The following FAM227B variants were observed in gnomAD, a reference collection of about 807,000 sequenced individuals.
FAM227B encodes family with sequence similarity 227 member B.
FAM227B carries 88 observed loss-of-function variants against 73.8 expected under a neutral mutation model. The observed-to-expected ratio is 1.19, with a 90% CI of 1.00 to 1.42. The LOEUF (loss-of-function observed/expected upper bound fraction) is 1.42. Ranked by LOEUF, FAM227B falls within the 40% of genes most tolerant of loss-of-function variation. The probability of loss-of-function intolerance (pLI) is 0.00; values close to 1 mark genes in which losing one functional copy is unlikely to be tolerated. For missense variants in FAM227B, 632 were observed against 590.9 expected (o/e 1.07, Z -0.72); for synonymous variants, 210 against 190.5 (o/e 1.10, Z -0.84).
intron 11 of FAM227B, among the ~76,000 whole-genome samples, chr15:49,374,927 C>G (rs2046064167): frequency 6.6e-6 from 1 of 152,140 alleles, no homozygotes; most frequent in African/African-American, 2.4e-5. Context: ...ATGCATACTT[C>G]CAAGTCCTTT....
intron 3 of FAM227B, among the ~76,000 whole-genome samples, chr15:49,605,784 C>T (rs1338646658): frequency 6.6e-6 from 1 of 152,030 alleles, no homozygotes; most frequent in Non-Finnish European, 1.5e-5. Context: ...CCTGGGTCCT[C>T]ATGTGGTAGC....
intron 11 of FAM227B, among the ~76,000 whole-genome samples, chr15:49,392,970 T>G (rs2047315981): frequency 6.6e-6 from 1 of 152,144 alleles, no homozygotes; most frequent in African/African-American, 2.4e-5. Context: ...GAGTGTAGTT[T>G]TTTGTAATAG....
At chr15:49,526,694 G>C (rs1375345010) in intron 10 of FAM227B, among the ~76,000 whole-genome samples, 1 of 151,938 alleles carries the variant, frequency 6.6e-6, no homozygotes, top group Non-Finnish European at 1.5e-5. Flanking sequence ...AATAAGCACA[G>C]TCAGAAATGG....
chr15:49,463,481 G>A (rs1168641185), intron 11 of FAM227B, among the ~76,000 whole-genome samples: 1 of 151,104 alleles, frequency 6.6e-6, no homozygotes, highest in Non-Finnish European at 1.5e-5. Context: ...AACCCGGAAG[G>A]CAGAGGTTTC....
chr15:49,392,958 C>T (rs2047314411), intron 11 of FAM227B, among the ~76,000 whole-genome samples: 1 of 152,052 alleles, frequency 6.6e-6, no homozygotes, highest in African/African-American at 2.4e-5. Flanking sequence ...TTTTTGTTAA[C>T]TGAGTGTAGT....
intron 3 of FAM227B, among the ~76,000 whole-genome samples, chr15:49,592,907 T>A (rs1030436144): frequency 2.0e-5 from 3 of 152,154 alleles, no homozygotes; most frequent in African/African-American, 7.2e-5. Flanking sequence ...TGGACACCCC[T>A]CCCCCGACCA....
In FAM227B at chr15:49,608,979, G is replaced by A. The variant is rs148563843; in HGVS notation, c.105+2236C>T. Among the ~76,000 whole-genome samples the A allele has an allele frequency of 4.2e-3, 638 of 151,936 alleles. 3 individuals carry two copies. The highest frequency in any genetic ancestry group is 0.014 in the Middle Eastern group (4 of 294). On this transcript the variant is annotated intron_variant, in intron 3 of 15. Transcript: ENST00000299338. ...AAAGTGTGACAGTAAAGAGAGATGA[G>A]ACAAAAAGGGGGAAGATAATGTAGA... is the stretch of plus-strand genomic sequence containing the variant.
chr15:49,411,063 GA>G (rs2048844681), intron 11 of FAM227B, among the ~76,000 whole-genome samples: 2 of 150,768 alleles, frequency 1.3e-5, no homozygotes, highest in African/African-American at 2.4e-5. Flanking sequence ...AGGGAGCTAG[GA>G]AAAAAATATA....
At chr15:49,483,003 G>A in intron 11 of FAM227B, 1 of 650,520 alleles carries the variant, frequency 1.5e-6, no homozygotes, top group East Asian at 2.7e-5. Flanking sequence ...TGTATCTGTT[G>A]TGGGTCAGGG....
chr15:49,504,607 A>C (rs551539377), intron 11 of FAM227B, among the ~76,000 whole-genome samples: 1 of 149,474 alleles, frequency 6.7e-6, no homozygotes, highest in African/African-American at 2.4e-5. Context: ...TTAAAGTTTA[A>C]AAAAAAAAAG....
chr15:49,607,486 TGA>T (rs1404773238), intron 3 of FAM227B, among the ~76,000 whole-genome samples: 1 of 152,168 alleles, frequency 6.6e-6, no homozygotes, highest in African/African-American at 2.4e-5. Flanking sequence ...ACAGTCCTTA[TGA>T]GTCATGTGTT....
At chr15:49,415,127 A>G (rs1212052168) in intron 11 of FAM227B, among the ~76,000 whole-genome samples, 2 of 152,188 alleles carry the variant, frequency 1.3e-5, no homozygotes, top group African/African-American at 2.4e-5. Context: ...TTGAAAATTA[A>G]GCCAGTTTTG....
chr15:49,504,751 C>T (rs2058448690), intron 11 of FAM227B, among the ~76,000 whole-genome samples: 2 of 152,222 alleles, frequency 1.3e-5, no homozygotes, highest in South Asian at 4.2e-4. Flanking sequence ...ATACCAACAC[C>T]ATGCTTTCTG....
At chr15:49,411,748 G>A (rs1029251348) in intron 11 of FAM227B, among the ~76,000 whole-genome samples, 13 of 152,174 alleles carry the variant, frequency 8.5e-5, no homozygotes, top group African/African-American at 3.1e-4. Flanking sequence ...TATGGCGGAA[G>A]TTCTTATATT....
intron 5 of FAM227B, among the ~76,000 whole-genome samples, chr15:49,581,260 C>T (rs2075793421): frequency 6.6e-6 from 1 of 151,664 alleles, no homozygotes; most frequent in East Asian, 1.9e-4. Flanking sequence ...GGAACCTCTC[C>T]AGGCTAACAG....
intron 9 of FAM227B, among the ~76,000 whole-genome samples, chr15:49,561,076 C>G (rs922967516): frequency 7.9e-5 from 12 of 152,130 alleles, no homozygotes; most frequent in African/African-American, 2.9e-4. Flanking sequence ...TTAAAAGGAA[C>G]AGAGTGGCAA....
intron 11 of FAM227B, among the ~76,000 whole-genome samples, chr15:49,504,162 A>C (rs1161966928): frequency 6.6e-6 from 1 of 151,946 alleles, no homozygotes; most frequent in African/African-American, 2.4e-5. Context: ...CATTCTCAGC[A>C]AACTATCGCA....
intron 13 of FAM227B, chr15:49,353,743 A>T (rs1408065140): frequency 6.6e-6 from 1 of 151,776 alleles, no homozygotes; most frequent in Non-Finnish European, 1.5e-5. Flanking sequence ...CCTTGTATAT[A>T]TTGGAAAAAT....
At chr15:49,401,292 C>T (rs1337618932) in intron 11 of FAM227B, among the ~76,000 whole-genome samples, 6 of 152,384 alleles carry the variant, frequency 3.9e-5, no homozygotes, top group Middle Eastern at 3.4e-3. Flanking sequence ...AAATCAAAAC[C>T]ACAATGTGAT....
Sources: gnomAD v4.1 joint callset for allele counts (sites outside exome capture counted in the v4.1 genomes callset) on GRCh38, gnomAD v4.1.1 for gene constraint, MANE v1.5 for transcripts, NCBI Gene and HGNC (gene_info 2026-07-23, HGNC 2026-07-21) for gene names.